Variants in LRRC56 observed in about 807,000 individuals in gnomAD.
LRRC56 encodes leucine rich repeat containing 56.
LRRC56 carries 41 observed loss-of-function variants against 47.8 expected under a neutral mutation model. That is an observed-to-expected ratio of 0.86 (90% CI 0.67 to 1.11). LRRC56 has a LOEUF of 1.11. Ranked by LOEUF, LRRC56 falls within the 50% of genes most tolerant of loss-of-function variation. The probability of loss-of-function intolerance (pLI) is 0.00; values close to 1 mark genes in which losing one functional copy is unlikely to be tolerated. For missense variants in LRRC56, 759 were observed against 704.2 expected, an observed-to-expected ratio of 1.08 and a Z score of -0.88; for synonymous variants, 387 against 311.2, an observed-to-expected ratio of 1.24 and a Z score of -2.56.
the LRRC56 span, chr11:532,446 T>C: frequency 1.2e-6 from 1 of 805,396 alleles, no homozygotes; most frequent in Non-Finnish European, 2.0e-6. Flanking sequence ...CTTCCTTCCT[T>C]GCTTCCGTCC....
chr11:540,589 G>A (rs1851741762), intron 3 of LRRC56, 85 bp from the exon 4 acceptor site: 2 of 1,224,060 alleles, frequency 1.6e-6, no homozygotes, highest in Admixed American at 2.3e-5. Flanking sequence ...GGGGCGGGGG[G>A]TTGAGGGCTG....
upstream of LRRC56, chr11:532,528 C>G: frequency 3.4e-6 from 5 of 1,452,594 alleles, no homozygotes; most frequent in Non-Finnish European, 4.7e-6. Flanking sequence ...TTGTGCTGGG[C>G]GGGGCACAAG....
At chr11:547,634 G>C (rs894190054) in intron 6 of LRRC56, among the ~76,000 whole-genome samples, 1 of 150,800 alleles carries the variant, frequency 6.6e-6, no homozygotes, top group Non-Finnish European at 1.5e-5. Flanking sequence ...TTACAGGCGT[G>C]AGCCACCACG....
chr11:512,055 C>T, the LRRC56 span, among the ~76,000 whole-genome samples: 6 of 151,772 alleles, frequency 4.0e-5, no homozygotes, highest in Non-Finnish European at 4.4e-5. Flanking sequence ...GTGATTCTTC[C>T]GCCTCAGCCT....
At position 554,218 on chromosome 11, in the gene LRRC56, C is replaced by T. The variant is rs1238252947; in HGVS notation, c.1571C>T (p.Ala524Val). The T allele has an allele frequency of 2.6e-6, 4 of 1,527,214 alleles. No individual in the cohort carries two copies. In the South Asian group the frequency reaches 3.8e-5, roughly 14 times the overall value. The allele number at this position is 1,527,214 out of a possible 1,614,324, so 94.6% of individuals were successfully genotyped here. A position where few individuals can be genotyped will look rare whatever the true frequency, so the allele number is the denominator to read the frequency against. The change falls in exon 14 of 14, where the codon GCA becomes GTA. Residue 524 changes from alanine (A) to valine (V), a missense_variant. Ala to Val is a moderately conservative substitution (Grantham distance 64). Transcript: ENST00000270115. ...CCTGGCCCAAAGCCAGCACCAGATG[C>T]AGCAGCTAGACCTCCCAGGGCAGCT... ...GCPGPKPAPD[A>V]AARPPRAAEL...
the LRRC56 span, among the ~76,000 whole-genome samples, chr11:512,255 A>G: frequency 0.066 from 9,973 of 150,772 alleles, 378 homozygotes; most frequent in Middle Eastern, 0.099. Flanking sequence ...TTCATTTTTG[A>G]GATGGAGTCT....
intron 8 of LRRC56, among the ~76,000 whole-genome samples, 191 bp downstream of exon 8, chr11:550,463 G>A (rs1037103234): frequency 1.3e-5 from 2 of 152,140 alleles, no homozygotes; most frequent in South Asian, 2.1e-4. Flanking sequence ...GACCAGCCCC[G>A]CTAGATCCCA....
chr11:532,636 T>C, upstream of LRRC56: 1 of 1,611,184 alleles, frequency 6.2e-7, no homozygotes, highest in Non-Finnish European at 8.5e-7. Flanking sequence ...CTCACCTGCG[T>C]CAGGAGAGCA....
At chr11:522,424 C>G in the LRRC56 span, among the ~76,000 whole-genome samples, 1 of 152,128 alleles carries the variant, frequency 6.6e-6, no homozygotes, top group African/African-American at 2.4e-5. Flanking sequence ...CGCCACCACG[C>G]CTGGCTAATT....
intron 12 of LRRC56, among the ~76,000 whole-genome samples, 166 bp downstream of exon 12, chr11:552,398 G>A (rs995682286): frequency 2.2e-5 from 3 of 133,472 alleles, no homozygotes; most frequent in African/African-American, 8.6e-5. Context: ...CTGAGTCATC[G>A]CTGGTCCCAA....
At chr11:550,964 G>A (rs985058431) in intron 8 of LRRC56, among the ~76,000 whole-genome samples, 167 bp from the exon 9 acceptor site, 4 of 152,130 alleles carry the variant, frequency 2.6e-5, no homozygotes, top group Non-Finnish European at 5.9e-5. Flanking sequence ...AGTCCCTGGG[G>A]TGTGAGAGTG....
chr11:536,513 T>TA (rs1265711701), upstream of LRRC56, among the ~76,000 whole-genome samples: 1 of 152,226 alleles, frequency 6.6e-6, no homozygotes, highest in East Asian at 1.9e-4. Context: ...CTCACGCCTA[T>TA]AATCCCAGCA....
chr11:551,783 C>T lies in LRRC56; in HGVS notation c.929C>T (p.Ser310Phe). The T allele has an allele frequency of 6.2e-7, 1 of 1,610,136 alleles. No individual in the cohort carries two copies. The highest frequency in any genetic ancestry group is 2.2e-5 in the East Asian group (1 of 44,852). Residue 310 changes from serine to phenylalanine, a missense_variant, in exon 10 of 14, where the codon TCT (serine) becomes TTT (phenylalanine). Physicochemically the swap from Ser to Phe is radical, Grantham distance 155 (BLOSUM62 -2). Transcript: ENST00000270115. ...GGCCCCCTGCCTGAAGGCCTGCTTT[C>T]TGAGGACCTGGCCCCAGAAGATAAC... The part of the protein sequence containing the change: ...RGGPLPEGLL[S>F]EDLAPEDNTS...
At chr11:533,477 G>T (rs533567288), upstream of LRRC56, 1 of 1,613,550 alleles carries the variant, frequency 6.2e-7, no homozygotes, top group Non-Finnish European at 8.5e-7. Context: ...CCGAGGTCTC[G>T]ATGTAGGGGA....
At chr11:518,980 G>C in the LRRC56 span, among the ~76,000 whole-genome samples, 1 of 152,056 alleles carries the variant, frequency 6.6e-6, no homozygotes, top group East Asian at 1.9e-4. Context: ...CCAAGACGCG[G>C]CGCGCTTACG....
At chr11:548,843 C>T (rs540079163) in intron 6 of LRRC56, among the ~76,000 whole-genome samples, 4 of 152,306 alleles carry the variant, frequency 2.6e-5, no homozygotes, top group East Asian at 3.9e-4. Context: ...TTTGCAGCCT[C>T]CTGGGAAGAG....
the LRRC56 span, among the ~76,000 whole-genome samples, chr11:518,795 G>C: frequency 6.6e-6 from 1 of 151,982 alleles, no homozygotes; most frequent in Admixed American, 6.6e-5. Flanking sequence ...GACTCGCGGC[G>C]CCCCCTCCTG....
At chr11:536,798 C>T (rs939738071), upstream of LRRC56, 1 of 152,306 alleles carries the variant, frequency 6.6e-6, no homozygotes, top group African/African-American at 2.4e-5. Flanking sequence ...CAGGCAAACC[C>T]TGCCTCTGCC....
chr11:535,645 C>T (rs1337854379), upstream of LRRC56: 18 of 151,958 alleles, frequency 1.2e-4, no homozygotes, highest in Admixed American at 1.2e-3. Flanking sequence ...GCCATCGGGC[C>T]CCGCCCCACC....
Sources: gnomAD v4.1 joint callset for allele counts (sites outside exome capture counted in the v4.1 genomes callset) on GRCh38, gnomAD v4.1.1 for gene constraint, MANE v1.5 for transcripts, NCBI Gene and HGNC (gene_info 2026-07-23, HGNC 2026-07-21) for gene names.